COL20A1: variants seen among roughly 807,000 people sequenced by gnomAD.
The protein encoded by COL20A1 is collagen type XX alpha 1 chain, also known as collagen alpha-1(XX) chain.
In COL20A1, 164 loss-of-function variants were observed where a neutral mutation model predicts 152.9. That is an observed-to-expected ratio of 1.07 (90% CI 0.94 to 1.22). The LOEUF (loss-of-function observed/expected upper bound fraction) is 1.22, where lower values mean the gene tolerates loss of function less well. Among genes scored for constraint, COL20A1 ranks in the 50% most tolerant of loss-of-function variants. COL20A1 has a pLI of 0.00. For synonymous variants in COL20A1, 864 were observed against 756.0 expected (o/e 1.14, Z -2.34); for missense variants, 1,873 against 1,744.8 (o/e 1.07, Z -1.31).
intron 3 of COL20A1, among the ~76,000 whole-genome samples, chr20:63,299,109 T>G (rs1181664136): frequency 6.6e-6 from 1 of 152,248 alleles, no homozygotes; most frequent in African/African-American, 2.4e-5. Context: ...CCATTTTCTT[T>G]GCTGTATAGT....
Position 63,323,382 on chromosome 20 carries a change from C to T in COL20A1, c.3294+1271C>T, listed in dbSNP as rs558657350. Among the ~76,000 whole-genome samples, 166 of 152,334 alleles carry T rather than the reference C, an allele frequency of 1.1e-3. 3 individuals are homozygous for T. In the South Asian group the frequency reaches 0.034, roughly 31 times the overall value. The stretch of plus-strand genomic sequence containing the variant: ...ACGTAGTCCATGTTACTGCTCTGTT[C>T]TATGGCTTCTGAATTTTGTATCCTG... On this transcript the variant is annotated intron_variant, in intron 27 of 35. Coordinates refer to ENST00000358894, the MANE Select transcript of COL20A1 (RefSeq NM_020882.4).
intron 2 of COL20A1, among the ~76,000 whole-genome samples, chr20:63,297,334 T>TCAGGGGACCCAGCC (rs1181759793): frequency 6.8e-6 from 1 of 146,930 alleles, no homozygotes; most frequent in Non-Finnish European, 1.5e-5. Flanking sequence ...GGGACTTAGC[T>TCAGGGGACCCAGCC]CAGGGGACCC....
rs529362617 is a variant in COL20A1 at position 63,319,747 on chromosome 20, C to T, written c.2916+151C>T. Reference sequence around the variant, plus strand: ...TGACCTGGGGCTCTGTTCCTCTACCCCAGCTCTTCCATCTTAATTGGAGTT... The same window carrying T: ...TGACCTGGGGCTCTGTTCCTCTACCTCAGCTCTTCCATCTTAATTGGAGTT... On this transcript the variant is annotated intron_variant, in intron 23 of 35. Transcript: ENST00000358894. The surrounding 1 kb of genome is among the most constrained non-coding windows in gnomAD (Gnocchi z 4.4). Among the ~76,000 whole-genome samples, 3 of 152,198 alleles carry T rather than the reference C, an allele frequency of 2.0e-5. No homozygotes were observed. Among genetic ancestry groups the T allele is most frequent in the African/African-American group, 7.2e-5 (3 of 41,548 alleles).
chr20:63,309,516 C>A lies in COL20A1; in HGVS notation c.1105+19C>A. 1 of 1,485,594 alleles carries A rather than the reference C, an allele frequency of 6.7e-7. No homozygotes were observed. The highest frequency in any genetic ancestry group is 9.0e-7 in the Non-Finnish European group (1 of 1,114,110). The allele number at this position is 1,485,594 out of a possible 1,614,324, so 92.0% of individuals were successfully genotyped here. On this transcript the variant is annotated intron_variant, in intron 9 of 35. Coordinates refer to ENST00000358894, the MANE Select transcript of COL20A1 (RefSeq NM_020882.4). ...GGCCCAGGTGAGGGGCAGGGTCACC[C>A]GCACAGGCTGCAGCCCCCCCGGCTG...
chr20:63,295,104 CACCA>C lies in COL20A1; in HGVS notation c.-3_1del. On this transcript the variant is annotated start_lost and 5_prime_UTR_variant, in exon 2 of 36. Coordinates refer to ENST00000358894, the MANE Select transcript of COL20A1 (RefSeq NM_020882.4). ...GGCCTCTTCCCTGCCACAGCCCGAG[CACCA>C]TGAGCTCCGGAGACCCTGCACACCT... 6.5e-7 allele frequency: 1 copy of C among 1,548,744 alleles called. No individual in the cohort carries two copies. Among genetic ancestry groups the C allele is most frequent in the Non-Finnish European group, 8.7e-7 (1 of 1,145,894 alleles).
At chr20:63,316,047 G>A (rs2068079689) in intron 20 of COL20A1, among the ~76,000 whole-genome samples, 1 of 152,208 alleles carries the variant, frequency 6.6e-6, no homozygotes, top group Non-Finnish European at 1.5e-5. Context: ...TGGGGTCATC[G>A]CAGGCCCCCA....
intron 3 of COL20A1, among the ~76,000 whole-genome samples, chr20:63,302,680 C>G (rs1196275869): frequency 6.6e-6 from 1 of 152,156 alleles, no homozygotes; most frequent in Non-Finnish European, 1.5e-5. Context: ...AGTCTACACA[C>G]TGTGTTTGGT....
rs1391494132 is a variant in COL20A1, at chr20:63,319,421, C to T, written c.2807-66C>T. ...GCTCCTGTCCTGTCGTGGGGGCCGCCCTGCTCAAGGTATAGGCCCGGCTGG... is the reference window on the plus strand; with the variant it reads ...GCTCCTGTCCTGTCGTGGGGGCCGCTCTGCTCAAGGTATAGGCCCGGCTGG... On this transcript the variant is annotated intron_variant, in intron 22 of 35. Coordinates refer to ENST00000358894, the MANE Select transcript of COL20A1 (RefSeq NM_020882.4). This position sits in a 1 kb window ranked among gnomAD's most constrained non-coding sequence, Gnocchi z 4.4. 9 of 1,307,318 alleles carry T rather than the reference C, an allele frequency of 6.9e-6. No individual in the cohort carries two copies. The South Asian group carries it at 9.2e-5, about 13-fold the overall frequency. The allele number at this position is 1,307,318 out of a possible 1,614,324, so 81.0% of individuals were successfully genotyped here.
rs567131614 is a variant in COL20A1 at position 63,325,249 on chromosome 20, C to T, written c.3295-192C>T. 5 of 704,262 alleles carry T rather than the reference C, an allele frequency of 7.1e-6. No homozygotes were observed. The African/African-American group carries it at 8.7e-5, about 12-fold the overall frequency. The allele number at this position is 704,262 out of a possible 1,614,324, so 43.6% of individuals were successfully genotyped here. ...GCAAGCGTGACCTTGTCAGGCCCTA[C>T]CCGCTGCCTGTGTCTCCAGGGAGAG... is the stretch of plus-strand genomic sequence containing the variant. On this transcript the variant is annotated intron_variant, in intron 27 of 35. Transcript: ENST00000358894.
At chr20:63,321,936 G>A in intron 26 of COL20A1, 122 bp from the exon 27 acceptor site, 3 of 714,680 alleles carry the variant, frequency 4.2e-6, no homozygotes, top group Non-Finnish European at 6.8e-6. Context: ...GCAGTGGACA[G>A]TCTGGGGCTG....
rs898787518 is a variant in COL20A1 at position 63,319,877 on chromosome 20, G to A, written c.2917-162G>A. ...CAGAGGGGAAGCCGAGGCCCAGCAA[G>A]GGGGGGTTCTCCCAGGGTCCCCCGA... On this transcript the variant is annotated intron_variant, in intron 23 of 35. Transcript: ENST00000358894. This position sits in a 1 kb window ranked among gnomAD's most constrained non-coding sequence, Gnocchi z 4.4. Among the ~76,000 whole-genome samples, 1 of 152,094 alleles carries A rather than the reference G, an allele frequency of 6.6e-6. No homozygotes were observed. Among genetic ancestry groups the A allele is most frequent in the African/African-American group, 2.4e-5 (1 of 41,424 alleles).
intron 19 of COL20A1, among the ~76,000 whole-genome samples, chr20:63,314,871 G>A (rs1213412034): frequency 5.4e-5 from 7 of 129,746 alleles, no homozygotes; most frequent in South Asian, 2.6e-4. Flanking sequence ...CAGGACACGC[G>A]TGCCCCCAGC....
At chr20:63,307,347 G>A (rs571816975) in intron 5 of COL20A1, 143 bp from the exon 6 acceptor site, 1 of 726,256 alleles carries the variant, frequency 1.4e-6, no homozygotes, top group South Asian at 1.8e-5. Flanking sequence ...GTCCGGTGAG[G>A]CCTGAGGGCC....
chr20:63,298,316 G>A (rs1237548131), intron 3 of COL20A1, among the ~76,000 whole-genome samples: 1 of 152,038 alleles, frequency 6.6e-6, no homozygotes. Context: ...TTAAAGGCAG[G>A]GTCTTGCTGT....
Position 63,310,477 on chromosome 20 carries a change from G to A in COL20A1, c.1360G>A (p.Val454Ile), listed in dbSNP as rs781744106. ...VSVFPIYEGG[V>I]GEGLRGLVTT... ...CGTGTTCCCCATCTATGAGGGCGGG[G>A]TTGGCGAAGGCCTGCGGGGCCTGGT... The change falls in exon 11 of 36, where the codon GTT becomes ATT. Residue 454 changes from valine to isoleucine, a missense_variant. Val to Ile is a conservative substitution (Grantham distance 29, BLOSUM62 3). Coordinates refer to ENST00000358894, the MANE Select transcript of COL20A1 (RefSeq NM_020882.4). 2 of 1,606,534 alleles carry A rather than the reference G, an allele frequency of 1.2e-6. No individual in the cohort carries two copies. Among genetic ancestry groups the A allele is most frequent in the Non-Finnish European group, 1.7e-6 (2 of 1,177,176 alleles).
intron 26 of COL20A1, 142 bp downstream of exon 26, chr20:63,321,241 T>C: frequency 1.6e-6 from 1 of 609,408 alleles, no homozygotes; most frequent in East Asian, 2.8e-5. Flanking sequence ...TTCATGAGCC[T>C]CTTCCCTGCT....
At chr20:63,307,866 T>G (rs1044792290) in intron 6 of COL20A1, 105 bp from the exon 7 acceptor site, 1 of 1,399,644 alleles carries the variant, frequency 7.1e-7, no homozygotes, top group Non-Finnish European at 9.8e-7. Flanking sequence ...TGTGGCCAGG[T>G]GACCCCACAG....
chr20:63,317,286 A>G (rs1601428112), intron 21 of COL20A1, among the ~76,000 whole-genome samples: 1 of 152,218 alleles, frequency 6.6e-6, no homozygotes, highest in East Asian at 1.9e-4. Context: ...CAATGCAGCA[A>G]GACCCCATCT....
chr20:63,328,165 C>A (rs1161716240), intron 33 of COL20A1, 38 bp downstream of exon 33: 2 of 1,609,416 alleles, frequency 1.2e-6, no homozygotes, highest in Non-Finnish European at 1.7e-6. Flanking sequence ...GCCAGCAGCC[C>A]TGCACCTGTG....
Sources: allele counts gnomAD v4.1 joint callset (sites outside exome capture counted in the v4.1 genomes callset), GRCh38; gene constraint gnomAD v4.1.1; non-coding constraint Gnocchi (gnomAD v3.1); transcripts MANE v1.5; gene names NCBI Gene and HGNC (gene_info 2026-07-23, HGNC 2026-07-21).